Variants in FCN3 observed in about 807,000 individuals in gnomAD.
FCN3 encodes the protein ficolin 3.
FCN3 carries 28 observed loss-of-function variants against 31.5 expected under a neutral mutation model. That is an observed-to-expected ratio of 0.89 (90% CI 0.66 to 1.22). FCN3 has a LOEUF of 1.22. FCN3 is among the 50% of genes most tolerant of loss of function. FCN3 has a pLI of 0.00. For missense variants in FCN3, 351 were observed against 386.8 expected, an observed-to-expected ratio of 0.91 and a Z score of 0.78; for synonymous variants, 124 against 147.4, an observed-to-expected ratio of 0.84 and a Z score of 1.15.
chr1:27,372,794 TGAGA>T (rs2016173185), intron 5 of FCN3, among the ~76,000 whole-genome samples: 1 of 149,480 alleles, frequency 6.7e-6, no homozygotes. Flanking sequence ...TTTTTTTTTT[TGAGA>T]CAGAGTTTCA....
chr1:27,373,993 T>C lies in FCN3; in HGVS notation c.204A>G (p.Pro68=). Residue 68 remains proline (P), a synonymous_variant, in exon 3 of 8, where the codon CCA becomes CCG. Coordinates refer to ENST00000270879, the MANE Select transcript of FCN3 (RefSeq NM_003665.4). ...APGPQGPPGP[P]GKMGPKGEPG... The stretch of plus-strand genomic sequence containing the variant: ...GCTCACCCTTGGGGCCCATCTTGCC[T>C]GGTGGTCCAGGTGGCCCTGAAATCA... 6.2e-7 allele frequency: 1 copy of C among 1,613,748 alleles called. No homozygotes were observed. The highest frequency in any genetic ancestry group is 8.5e-7 in the Non-Finnish European group (1 of 1,179,954).
At position 27,373,321 on chromosome 1, in the gene FCN3, C is replaced by T. The variant is rs1023967560; in HGVS notation, c.266-58G>A. On this transcript the variant is annotated intron_variant, in intron 4 of 7. Transcript: ENST00000270879. Reference sequence around the variant, plus strand: ...CAGGTTATTCCCTGACCCCCACCCCCAGGCACTGGAACAAGTGTGGGACCC... The same window carrying T: ...CAGGTTATTCCCTGACCCCCACCCCTAGGCACTGGAACAAGTGTGGGACCC... The T allele has an allele frequency of 2.1e-5, 33 of 1,609,564 alleles. No individual in the cohort carries two copies. In the Middle Eastern group the frequency reaches 1.3e-3, roughly 65 times the overall value.
At chr1:27,373,005 G>A (rs558135237) in intron 5 of FCN3, 131 bp downstream of exon 5, 1 of 1,131,222 alleles carries the variant, frequency 8.8e-7, no homozygotes, top group Admixed American at 2.3e-5. Flanking sequence ...TCCCATTGGG[G>A]GCTCACTAAA....
Position 27,373,499 on chromosome 1 carries a change from C to G in FCN3, c.254G>C (p.Arg85Pro). 6.2e-7 allele frequency: 1 copy of G among 1,614,058 alleles called. No homozygotes were observed. The highest frequency in any genetic ancestry group is 8.5e-7 in the Non-Finnish European group (1 of 1,179,990). The change falls in exon 4 of 8, where the codon CGG becomes CCG. Residue 85 changes from arginine to proline, a missense_variant. By Grantham distance (103) the Arg-to-Pro change is moderately radical. Transcript: ENST00000270879. Reference sequence around the variant, plus strand: ...AAGGGCTGCCTCACCTTCCTGGCACCGGAGCAGGTTCACTGGATCTCCTGC... The same window carrying G: ...AAGGGCTGCCTCACCTTCCTGGCACGGGAGCAGGTTCACTGGATCTCCTGC... ...GEPGDPVNLL[R>P]CQEGPRNCRE...
intron 3 of FCN3, 73 bp from the exon 4 acceptor site, chr1:27,373,593 T>C: frequency 1.3e-6 from 2 of 1,519,034 alleles, no homozygotes; most frequent in Admixed American, 3.4e-5. Flanking sequence ...GTGGAGCCGG[T>C]ACCCAGGCCC....
rs775813048 is a variant in FCN3, at chr1:27,370,725, A to G, written c.529T>C (p.Trp177Arg). The change falls in exon 7 of 8, where the codon TGG becomes CGG. Residue 177 changes from tryptophan (W) to arginine (R), a missense_variant. Coordinates refer to ENST00000270879, the MANE Select transcript of FCN3 (RefSeq NM_003665.4). The part of the protein sequence containing the change: ...NLHQLTLQGN[W>R]ELRVELEDFN... ...TCTTCCAGCTCTACCCGCAGCTCCCAGTTACCTGGAAAGAAGGGGAGGCAG... is the reference window on the plus strand; with the variant it reads ...TCTTCCAGCTCTACCCGCAGCTCCCGGTTACCTGGAAAGAAGGGGAGGCAG... 1 of 1,613,938 alleles carries G rather than the reference A, an allele frequency of 6.2e-7. No homozygotes were observed. Among genetic ancestry groups the G allele is most frequent in the Non-Finnish European group, 8.5e-7 (1 of 1,179,956 alleles).
At chr1:27,374,687 A>G in intron 1 of FCN3, 41 bp downstream of exon 1, 1 of 1,119,222 alleles carries the variant, frequency 8.9e-7, no homozygotes, top group Non-Finnish European at 1.2e-6. Context: ...CAGCGAGGGA[A>G]TGAGGAGTGG....
chr1:27,370,496 C>T, intron 7 of FCN3, 100 bp downstream of exon 7: 1 of 1,022,226 alleles, frequency 9.8e-7, no homozygotes, highest in Admixed American at 2.2e-5. Context: ...AAACTAAGGC[C>T]CACAGAGGAG....
intron 2 of FCN3, 81 bp from the exon 3 acceptor site, chr1:27,374,090 G>T: frequency 7.7e-7 from 1 of 1,296,548 alleles, no homozygotes; most frequent in Non-Finnish European, 1.1e-6. Flanking sequence ...GGAGCCAGAG[G>T]TTCAAATCCC....
chr1:27,370,451 C>A, intron 7 of FCN3, 145 bp downstream of exon 7: 1 of 705,974 alleles, frequency 1.4e-6, no homozygotes. Context: ...ACTGTTGCAC[C>A]ATCCTGTTTC....
chr1:27,369,712 C>A (rs2016107291), intron 7 of FCN3, among the ~76,000 whole-genome samples: 1 of 151,712 alleles, frequency 6.6e-6, no homozygotes, highest in African/African-American at 2.4e-5. Context: ...CCTGTCTTAC[C>A]CCCTCCAGAA....
In FCN3 at chr1:27,373,112, T is replaced by A. The variant is rs1487638612; in HGVS notation, c.393+24A>T. On this transcript the variant is annotated intron_variant, in intron 5 of 7. Transcript: ENST00000270879. ...AGAAGTGACCAGTGGGCCTGGCCTG[T>A]TAGCCCATTTCTCAGACACTCACCA... is the stretch of plus-strand genomic sequence containing the variant. 3.7e-6 allele frequency: 6 copies of A among 1,611,918 alleles called. No homozygotes were observed. In the Admixed American group the frequency reaches 1.0e-4, roughly 27 times the overall value.
chr1:27,369,992 C>T (rs2016113122), intron 7 of FCN3, among the ~76,000 whole-genome samples: 1 of 148,278 alleles, frequency 6.7e-6, no homozygotes, highest in African/African-American at 2.5e-5. Flanking sequence ...CTCCTTGCCT[C>T]CCTGCGCTCC....
chr1:27,369,157 G>A lies in FCN3; in HGVS notation c.*79C>T. 2 of 1,543,256 alleles carry A rather than the reference G, an allele frequency of 1.3e-6. No individual in the cohort carries two copies. The highest frequency in any genetic ancestry group is 2.3e-5 in the East Asian group (1 of 44,094). On this transcript the variant is annotated 3_prime_UTR_variant, in exon 8 of 8. Transcript: ENST00000270879. ...ATTTTTAAATGTGGACAGGCAAGCA[G>A]AGGTGGTTGGCAAAGGCAAGGTGGC...
intron 5 of FCN3, among the ~76,000 whole-genome samples, chr1:27,371,744 C>T (rs1198609417): frequency 6.6e-6 from 1 of 152,118 alleles, no homozygotes; most frequent in Admixed American, 6.6e-5. Flanking sequence ...ATTTCCATTG[C>T]TCCACTGTCT....
Position 27,370,581 on chromosome 1 carries a change from C to T in FCN3, c.658+15G>A, listed in dbSNP as rs1425561919. On this transcript the variant is annotated intron_variant, in intron 7 of 7. Transcript: ENST00000270879. ...GATCCAGCCTCCTTCCTCTGCTCCC[C>T]TTAGGCTCACTCACCTGCAGTGCCC... 1 of 1,612,482 alleles carries T rather than the reference C, an allele frequency of 6.2e-7. No individual in the cohort carries two copies. Among genetic ancestry groups the T allele is most frequent in the South Asian group, 1.1e-5 (1 of 90,996 alleles).
Position 27,374,390 on chromosome 1 carries a change from TC to T in FCN3, c.152del (p.Gly51GlufsTer31). On this transcript the variant is annotated frameshift_variant, in exon 2 of 8. Coordinates refer to ENST00000270879, the MANE Select transcript of FCN3 (RefSeq NM_003665.4). LOFTEE classifies it high-confidence loss of function. The part of the protein sequence containing the change: ...VLLPSCPGAP[G>X]SPGEKGAPGP... ...CTGGGGCTCCCTTCTCCCCAGGACT[TC>T]CTGGAGCTCCGGGACAACTGGGCAG... The T allele has an allele frequency of 1.2e-6, 2 of 1,613,830 alleles. No homozygotes were observed. The highest frequency in any genetic ancestry group is 1.7e-6 in the Non-Finnish European group (2 of 1,179,896).
At position 27,370,646 on chromosome 1, in the gene FCN3, T is replaced by C. The variant is rs759763365; in HGVS notation, c.608A>G (p.Glu203Gly). 2 of 1,614,226 alleles carry C rather than the reference T, an allele frequency of 1.2e-6. No homozygotes were observed. The highest frequency in any genetic ancestry group is 2.2e-5 in the South Asian group (2 of 91,082). The part of the protein sequence containing the change: ...AHYATFRLLG[E>G]VDHYQLALGK... ...CAGTGCCAGCTGGTAGTGGTCTACC[T>C]CACCGAGGAGGCGGAAGGTCGCATA... The change falls in exon 7 of 8, where the codon GAG becomes GGG. Residue 203 changes from glutamate (E) to glycine (G), a missense_variant. By Grantham distance (98) the Glu-to-Gly change is moderately conservative. Transcript: ENST00000270879.
rs1298246284 is a variant in FCN3 at position 27,369,118 on chromosome 1, G to A, written c.*118C>T. On this transcript the variant is annotated 3_prime_UTR_variant, in exon 8 of 8. Transcript: ENST00000270879. The stretch of plus-strand genomic sequence containing the variant: ...CAGTAACTGGAAGAGTCTTGAAAGG[G>A]CTAAAATGATTTTATTTTTAAATGT... The A allele has an allele frequency of 2.4e-6, 3 of 1,256,438 alleles. No homozygotes were observed. The highest frequency in any genetic ancestry group is 3.0e-5 in the African/African-American group (2 of 67,162). 77.8% of individuals were successfully genotyped at this position (1,256,438 alleles called of 1,614,324 possible). A position where few individuals can be genotyped will look rare whatever the true frequency, so the allele number is the denominator to read the frequency against.
Sources: allele counts gnomAD v4.1 joint callset (sites outside exome capture counted in the v4.1 genomes callset), GRCh38; gene constraint gnomAD v4.1.1; transcripts MANE v1.5; gene names NCBI Gene and HGNC (gene_info 2026-07-23, HGNC 2026-07-21).